CACNA2D4: variants seen among roughly 807,000 people sequenced by gnomAD.
CACNA2D4 encodes calcium voltage-gated channel auxiliary subunit alpha2delta 4.
CACNA2D4 carries 157 observed loss-of-function variants against 163.8 expected under a neutral mutation model. That is an observed-to-expected ratio of 0.96 (90% CI 0.84 to 1.09). The LOEUF is 1.09. Ranked by LOEUF, CACNA2D4 falls within the 50% of genes least tolerant of loss-of-function variation. The pLI, the probability that CACNA2D4 is intolerant of heterozygous loss-of-function variation, is 0.00. For missense variants in CACNA2D4, 1,410 were observed against 1,479.9 expected (o/e 0.95, Z 0.78); for synonymous variants, 598 against 586.9 (o/e 1.02, Z -0.27).
intron 6 of CACNA2D4, among the ~76,000 whole-genome samples, chr12:1,895,531 T>C (rs11519567): frequency 0.15 from 22,977 of 152,054 alleles, 2,008 homozygotes; most frequent in African/African-American, 0.24. Flanking sequence ...CAGCATGATA[T>C]TGGTATAAAA....
rs745726373 is a variant in CACNA2D4 at position 1,909,972 on chromosome 12, G to A, written c.427-7C>T. ...CGGCAGCTTCCACCAGATTCTGAGG[G>A]ATGGGAACACAGAGGTAGGGAGAAT... On this transcript the variant is annotated splice_region_variant and splice_polypyrimidine_tract_variant and intron_variant, in intron 3 of 37. Coordinates refer to ENST00000382722, the MANE Select transcript of CACNA2D4 (RefSeq NM_172364.5). 66 of 1,612,986 alleles carry A rather than the reference G, an allele frequency of 4.1e-5. No homozygotes were observed. The highest frequency in any genetic ancestry group is 5.3e-5 in the Non-Finnish European group (62 of 1,179,182).
At chr12:1,800,342 C>T (rs777497602) in intron 32 of CACNA2D4, 44 bp downstream of exon 32, 7 of 1,604,388 alleles carry the variant, frequency 4.4e-6, no homozygotes, top group Non-Finnish European at 5.1e-6. Context: ...CTAAGCCACC[C>T]TCGCATGCAG....
chr12:1,861,706 G>C (rs2154448629), intron 18 of CACNA2D4, among the ~76,000 whole-genome samples: 1 of 152,182 alleles, frequency 6.6e-6, no homozygotes, highest in African/African-American at 2.4e-5. Flanking sequence ...GCCTCCCAAA[G>C]TGGTGGGATT....
intron 34 of CACNA2D4, chr12:1,797,803 G>T: frequency 1.8e-6 from 1 of 543,100 alleles, no homozygotes; most frequent in Non-Finnish European, 3.3e-6. Context: ...GGGGAGCCTG[G>T]CCCTCACTGA....
At chr12:1,904,560 C>A (rs1358369070) in intron 6 of CACNA2D4, among the ~76,000 whole-genome samples, 1 of 151,688 alleles carries the variant, frequency 6.6e-6, no homozygotes, top group Non-Finnish European at 1.5e-5. Flanking sequence ...TGGTTTTGGG[C>A]ACCACAATGT....
Position 1,828,502 on chromosome 12 carries a change from G to A in CACNA2D4, c.2551+12237C>T, listed in dbSNP as rs1864463747. On this transcript the variant is annotated intron_variant, in intron 26 of 37. Transcript: ENST00000382722. The surrounding 1 kb of genome is among the most constrained non-coding windows in gnomAD (Gnocchi z 4.2). ...GGTAAGTCTCTGTGAGCTTGCTGGG[G>A]TCCCCAACAGGAGAAGAGCTCTGCT... Among the ~76,000 whole-genome samples the A allele has an allele frequency of 6.6e-6, 1 of 152,200 alleles. No homozygotes were observed. Among genetic ancestry groups the A allele is most frequent in the Non-Finnish European group, 1.5e-5 (1 of 68,040 alleles).
At chr12:1,887,109 G>A (rs1194663750) in intron 6 of CACNA2D4, 40 bp from the exon 7 acceptor site, 1 of 1,421,788 alleles carries the variant, frequency 7.0e-7, no homozygotes, top group African/African-American at 1.4e-5. Flanking sequence ...AGCTTGGTGA[G>A]GCCACCCCAG....
In CACNA2D4 at chr12:1,918,399, G is replaced by A. The variant is rs765645971; in HGVS notation, c.75C>T (p.Leu25=). 1.3e-5 allele frequency: 20 copies of A among 1,599,246 alleles called. No individual in the cohort carries two copies. Among genetic ancestry groups the A allele is most frequent in the South Asian group, 3.4e-5 (3 of 88,596 alleles). ...RPTMPATPNF[L]ANPSSSSRWI... ...AGCGGCTGCTGGAGCTGGGGTTTGC[G>A]AGGAAGTTGGGAGTTGCAGGCATGG... is the stretch of plus-strand genomic sequence containing the variant. Residue 25 remains leucine (L), a synonymous_variant, in exon 1 of 38, where the codon CTC becomes CTT. Coordinates refer to ENST00000382722, the MANE Select transcript of CACNA2D4 (RefSeq NM_172364.5).
At position 1,875,664 on chromosome 12, in the gene CACNA2D4, C is replaced by T. The variant is rs745941571; in HGVS notation, c.1720-327G>A. On this transcript the variant is annotated intron_variant, in intron 16 of 37. Transcript: ENST00000382722. This position sits in a 1 kb window ranked among gnomAD's most constrained non-coding sequence, Gnocchi z 4.0. ...CTCACACAAAGCTGAAATCCATCTC[C>T]CTGTTACTTCCATCCACTGATCTTC... is the stretch of plus-strand genomic sequence containing the variant. Among the ~76,000 whole-genome samples the T allele has an allele frequency of 3.3e-5, 5 of 152,172 alleles. No homozygotes were observed. The highest frequency in any genetic ancestry group is 5.9e-5 in the Non-Finnish European group (4 of 68,022).
At position 1,806,814 on chromosome 12, in the gene CACNA2D4, T is replaced by A. The variant is rs371795655; in HGVS notation, c.2721+3464A>T. On this transcript the variant is annotated intron_variant, in intron 29 of 37. Transcript: ENST00000382722. The surrounding 1 kb of genome is among the most constrained non-coding windows in gnomAD (Gnocchi z 4.1). Reference sequence around the variant, plus strand: ...TCTGCATCTCTAACAAGCTCCCAGATGCTGGGGCTTCTGTCCTTCAGCCAC... The same window carrying A: ...TCTGCATCTCTAACAAGCTCCCAGAAGCTGGGGCTTCTGTCCTTCAGCCAC... 2.0e-5 allele frequency among the ~76,000 whole-genome samples: 3 copies of A among 152,198 alleles called. No individual in the cohort carries two copies. Among genetic ancestry groups the A allele is most frequent in the South Asian group, 4.1e-4 (2 of 4,828 alleles).
At position 1,802,805 on chromosome 12, in the gene CACNA2D4, A is replaced by G. The variant is rs1174168760; in HGVS notation, c.2722-1161T>C. ...CTCACCCTCGCTGGGAAGTCTTTCT[A>G]TTCTAACTTTCCCAGCCAGAACAAG... is the stretch of plus-strand genomic sequence containing the variant. On this transcript the variant is annotated intron_variant, in intron 29 of 37. Transcript: ENST00000382722. The surrounding 1 kb of genome is among the most constrained non-coding windows in gnomAD (Gnocchi z 4.7). 6.6e-6 allele frequency among the ~76,000 whole-genome samples: 1 copy of G among 152,068 alleles called. No individual in the cohort carries two copies. Among genetic ancestry groups the G allele is most frequent in the Non-Finnish European group, 1.5e-5 (1 of 68,012 alleles).
intron 20 of CACNA2D4, among the ~76,000 whole-genome samples, chr12:1,857,209 G>A (rs1233111735): frequency 6.6e-6 from 1 of 152,200 alleles, no homozygotes; most frequent in Non-Finnish European, 1.5e-5. Flanking sequence ...CAGCTTCCAG[G>A]TGAGCACACA....
chr12:1,868,775 C>T (rs577074561), intron 18 of CACNA2D4, among the ~76,000 whole-genome samples: 4 of 152,116 alleles, frequency 2.6e-5, no homozygotes, highest in East Asian at 3.9e-4. Flanking sequence ...TCCCTGGATT[C>T]GATCAACTGT....
In CACNA2D4 at chr12:1,878,174, C is replaced by A; in HGVS notation, c.1719+141G>T. On this transcript the variant is annotated intron_variant, in intron 16 of 37. Transcript: ENST00000382722. This position sits in a 1 kb window ranked among gnomAD's most constrained non-coding sequence, Gnocchi z 4.6. ...AACAACTTGAAAACAGGGACCATGA[C>A]TCGAATACATTTTTTTTCTCATATT... is the stretch of plus-strand genomic sequence containing the variant. 1 of 943,286 alleles carries A rather than the reference C, an allele frequency of 1.1e-6. No individual in the cohort carries two copies. The highest frequency in any genetic ancestry group is 1.5e-5 in the South Asian group (1 of 68,648). The allele number at this position is 943,286 out of a possible 1,614,324, so 58.4% of individuals were successfully genotyped here.
intron 26 of CACNA2D4, among the ~76,000 whole-genome samples, chr12:1,824,950 G>C (rs759741006): frequency 6.6e-6 from 1 of 152,224 alleles, no homozygotes; most frequent in Non-Finnish European, 1.5e-5. Context: ...GAAGCCCAAG[G>C]GACCCAGGGA....
chr12:1,831,221 G>T (rs1278258682), intron 26 of CACNA2D4: 1 of 1,613,852 alleles, frequency 6.2e-7, no homozygotes, highest in South Asian at 1.1e-5. Context: ...TGACGAATCT[G>T]ACTGAGCTTC....
Position 1,820,499 on chromosome 12 carries a change from C to G in CACNA2D4, c.2552-8776G>C, listed in dbSNP as rs1001937006. ...CCCCGCTCCACTCTGGCTCGCTGCT[C>G]GCGCACACGCGTGCGCTCTCCTCCC... On this transcript the variant is annotated intron_variant, in intron 26 of 37. Transcript: ENST00000382722. This position sits in a 1 kb window ranked among gnomAD's most constrained non-coding sequence, Gnocchi z 6.0. 1 of 152,372 alleles carries G rather than the reference C, an allele frequency of 6.6e-6. No individual in the cohort carries two copies. The highest frequency in any genetic ancestry group is 1.5e-5 in the Non-Finnish European group (1 of 68,134). The allele number at this position is 152,372 out of a possible 1,614,324, so 9.4% of individuals were successfully genotyped here. A position where few individuals can be genotyped will look rare whatever the true frequency, so the allele number is the denominator to read the frequency against.
intron 26 of CACNA2D4, chr12:1,836,827 AGGCTGGACAAAGCACCGGT>A (rs1864876665): frequency 6.6e-6 from 1 of 152,636 alleles, no homozygotes; most frequent in Non-Finnish European, 1.5e-5. Flanking sequence ...CCTCCCCAGG[AGGCTGGACAAAGCACCGGT>A]GGCCATGATC....
At chr12:1,835,628 G>A (rs1864826296) in intron 26 of CACNA2D4, 1 of 152,672 alleles carries the variant, frequency 6.5e-6, no homozygotes. Context: ...GTGGGCCAAA[G>A]TGGTGCCCCT....
Sources: gnomAD v4.1 joint callset for allele counts (sites outside exome capture counted in the v4.1 genomes callset) on GRCh38, gnomAD v4.1.1 for gene constraint, Gnocchi (gnomAD v3.1) non-coding constraint, MANE v1.5 for transcripts, NCBI Gene and HGNC (gene_info 2026-07-23, HGNC 2026-07-21) for gene names.